The following PPM1H variants were observed in gnomAD, a reference collection of about 807,000 sequenced individuals.
The protein encoded by PPM1H is protein phosphatase 1H.
PPM1H carries 27 observed loss-of-function variants against 54.9 expected under a neutral mutation model. That is an observed-to-expected ratio of 0.49 (90% CI 0.36 to 0.68). PPM1H has a LOEUF of 0.68. PPM1H is among the 30% of genes least tolerant of loss of function. PPM1H has a pLI of 0.00. For synonymous variants in PPM1H, 305 were observed against 270.8 expected (o/e 1.13, Z -1.24); for missense variants, 596 against 667.8 (o/e 0.89, Z 1.19).
intron 8 of PPM1H, among the ~76,000 whole-genome samples, chr12:62,674,091 T>A (rs561856262): frequency 5.9e-5 from 9 of 152,264 alleles, no homozygotes; most frequent in African/African-American, 2.2e-4. Flanking sequence ...ATATAACAAC[T>A]GCTCTACTTC....
chr12:62,736,051 G>A (rs932043318), intron 5 of PPM1H, among the ~76,000 whole-genome samples: 3 of 152,222 alleles, frequency 2.0e-5, no homozygotes, highest in Non-Finnish European at 4.4e-5. Context: ...AAATTGCAGG[G>A]AGCCAAAGGC....
At chr12:62,696,462 C>T (rs1387923615) in intron 6 of PPM1H, among the ~76,000 whole-genome samples, 2 of 152,200 alleles carry the variant, frequency 1.3e-5, no homozygotes, top group African/African-American at 4.8e-5. Context: ...GGGGGAATAG[C>T]ACCAATGAGG....
At chr12:62,894,555 G>A (rs1870914375) in intron 1 of PPM1H, among the ~76,000 whole-genome samples, 1 of 152,158 alleles carries the variant, frequency 6.6e-6, no homozygotes, top group Non-Finnish European at 1.5e-5. Context: ...TATACTCTTA[G>A]CTGTTCCGTG....
chr12:62,790,928 G>A (rs1253128858), intron 3 of PPM1H, among the ~76,000 whole-genome samples: 1 of 152,210 alleles, frequency 6.6e-6, no homozygotes, highest in African/African-American at 2.4e-5. Context: ...GAGGGGCTTA[G>A]TAGGATATCT....
chr12:62,890,413 G>A (rs1314495151), intron 1 of PPM1H, among the ~76,000 whole-genome samples: 14 of 152,146 alleles, frequency 9.2e-5, no homozygotes, highest in East Asian at 5.8e-4. Context: ...AACAATGATC[G>A]TGCCAATTTT....
intron 1 of PPM1H, among the ~76,000 whole-genome samples, chr12:62,863,622 T>A (rs1336163782): frequency 6.6e-6 from 1 of 152,242 alleles, no homozygotes; most frequent in Non-Finnish European, 1.5e-5. Flanking sequence ...TTTTTAAATT[T>A]GCTTGTTAAG....
At chr12:62,654,719 C>T (rs963973055) in intron 9 of PPM1H, among the ~76,000 whole-genome samples, 16 of 152,180 alleles carry the variant, frequency 1.1e-4, no homozygotes, top group African/African-American at 3.6e-4. Flanking sequence ...TGTATGGATT[C>T]GCCGCTGCTA....
intron 2 of PPM1H, among the ~76,000 whole-genome samples, chr12:62,831,741 A>G (rs1262818684): frequency 6.8e-6 from 1 of 146,890 alleles, no homozygotes; most frequent in African/African-American, 2.5e-5. Context: ...GTGTGTGTGT[A>G]TACGTATATA....
intron 1 of PPM1H, among the ~76,000 whole-genome samples, chr12:62,894,318 G>T (rs969125397): frequency 6.6e-6 from 1 of 152,206 alleles, no homozygotes. Context: ...GACAGCAAAG[G>T]AAGAGTTGGG....
intron 1 of PPM1H, among the ~76,000 whole-genome samples, chr12:62,880,156 C>T (rs982277542): frequency 2.6e-5 from 4 of 152,110 alleles, no homozygotes; most frequent in Non-Finnish European, 5.9e-5. Context: ...TATACATATG[C>T]ATATACACAC....
At chr12:62,677,393 T>A (rs1320446240) in intron 8 of PPM1H, among the ~76,000 whole-genome samples, 2 of 152,166 alleles carry the variant, frequency 1.3e-5, no homozygotes, top group Non-Finnish European at 2.9e-5. Context: ...GAAAGAGCCA[T>A]GGCCCTTTGG....
chr12:62,816,288 T>C (rs1230561673), intron 2 of PPM1H, among the ~76,000 whole-genome samples: 1 of 152,244 alleles, frequency 6.6e-6, no homozygotes, highest in Non-Finnish European at 1.5e-5. Context: ...AATACATATT[T>C]ATGCACATAT....
chr12:62,717,459 G>GAA (rs574524101), intron 6 of PPM1H, among the ~76,000 whole-genome samples: 1 of 142,064 alleles, frequency 7.0e-6, no homozygotes, highest in African/African-American at 2.6e-5. Context: ...TGCAGAGAGA[G>GAA]AGAGAGAGAG....
chr12:62,916,112 C>A (rs1871613828), intron 1 of PPM1H, among the ~76,000 whole-genome samples: 1 of 152,198 alleles, frequency 6.6e-6, no homozygotes, highest in South Asian at 2.1e-4. Context: ...CAATGTCTCC[C>A]CTGCTAACTT....
intron 1 of PPM1H, among the ~76,000 whole-genome samples, chr12:62,926,019 G>T (rs1301827618): frequency 6.6e-6 from 1 of 152,152 alleles, no homozygotes; most frequent in Non-Finnish European, 1.5e-5. Flanking sequence ...CCTTTTTAAA[G>T]AACTGCCCAT....
chr12:62,772,752 G>C (rs988513182), intron 4 of PPM1H, among the ~76,000 whole-genome samples: 9 of 152,288 alleles, frequency 5.9e-5, no homozygotes, highest in African/African-American at 1.9e-4. Context: ...TGCAGGGCTG[G>C]GGAGGATTAG....
intron 1 of PPM1H, among the ~76,000 whole-genome samples, chr12:62,931,975 T>C (rs1441143333): frequency 6.6e-6 from 1 of 152,038 alleles, no homozygotes; most frequent in African/African-American, 2.4e-5. Context: ...AAACGCATGA[T>C]ATGTATTTAT....
chr12:62,729,664 C>T (rs1381588037), intron 5 of PPM1H, among the ~76,000 whole-genome samples: 1 of 152,214 alleles, frequency 6.6e-6, no homozygotes, highest in Non-Finnish European at 1.5e-5. Context: ...CAAAGGGGCA[C>T]TATTCCAACT....
intron 1 of PPM1H, among the ~76,000 whole-genome samples, chr12:62,921,519 G>A (rs1161880873): frequency 6.6e-6 from 1 of 152,130 alleles, no homozygotes; most frequent in African/African-American, 2.4e-5. Context: ...CACTCAAGAT[G>A]GCCACCGCAA....
Sources: allele counts gnomAD v4.1 joint callset (sites outside exome capture counted in the v4.1 genomes callset), GRCh38; gene constraint gnomAD v4.1.1; transcripts MANE v1.5; gene names NCBI Gene and HGNC (gene_info 2026-07-23, HGNC 2026-07-21).